The following SGK1 variants were observed in gnomAD, a reference collection of about 807,000 sequenced individuals.
The protein encoded by SGK1 is serum/glucocorticoid regulated kinase 1.
In SGK1, 26 loss-of-function variants were observed where a neutral mutation model predicts 64.2. The observed-to-expected ratio is 0.40, with a 90% CI of 0.30 to 0.56. The LOEUF (loss-of-function observed/expected upper bound fraction) is 0.56, where lower values mean the gene tolerates loss of function less well. Among genes scored for constraint, SGK1 ranks in the 20% least tolerant of loss-of-function variants. SGK1 has a pLI of 0.38. For synonymous variants in SGK1, 265 were observed against 239.7 expected (o/e 1.11, Z -0.98); for missense variants, 519 against 645.6 (o/e 0.80, Z 2.12).
chr6:134,242,806 T>G (rs1422049619), intron 2 of SGK1, among the ~76,000 whole-genome samples: 4 of 152,116 alleles, frequency 2.6e-5, no homozygotes, highest in African/African-American at 9.7e-5. Flanking sequence ...TGTCCTTGAG[T>G]GTGAACTAGA....
At chr6:134,223,703 C>CA (rs1471218468) in intron 2 of SGK1, among the ~76,000 whole-genome samples, 1 of 152,064 alleles carries the variant, frequency 6.6e-6, no homozygotes, top group Non-Finnish European at 1.5e-5. Flanking sequence ...TTTGTTTTAG[C>CA]AAAAAAGTCT....
chr6:134,208,520 C>G (rs1395056706), intron 2 of SGK1, among the ~76,000 whole-genome samples: 1 of 152,014 alleles, frequency 6.6e-6, no homozygotes, highest in African/African-American at 2.4e-5. Flanking sequence ...AGTCTTTTAT[C>G]TCTTGCCCCA....
intron 1 of SGK1, among the ~76,000 whole-genome samples, chr6:134,302,922 T>G (rs1248441040): frequency 6.6e-6 from 1 of 151,980 alleles, no homozygotes; most frequent in East Asian, 1.9e-4. Context: ...GCCTGGCTAA[T>G]TTTTATGTTT....
At chr6:134,310,095 C>G (rs867151398) in intron 1 of SGK1, among the ~76,000 whole-genome samples, 1 of 151,214 alleles carries the variant, frequency 6.6e-6, no homozygotes, top group South Asian at 2.1e-4. Flanking sequence ...CTCCTGCCCC[C>G]TCATTTTGGT....
rs781472175 is a variant in SGK1 at position 134,171,014 on chromosome 6, A to T, written c.1323+9T>A. The T allele has an allele frequency of 1.2e-6, 2 of 1,613,914 alleles. No homozygotes were observed. The highest frequency in any genetic ancestry group is 1.1e-5 in the South Asian group (1 of 90,980). Reference sequence around the variant, plus strand: ...GGCCGGCCCAGGAGGACAGGAAAACATCACTCACGAAGTCATCCTTGGCCC... The same window carrying T: ...GGCCGGCCCAGGAGGACAGGAAAACTTCACTCACGAAGTCATCCTTGGCCC... On this transcript the variant is annotated intron_variant, in intron 12 of 13. Transcript: ENST00000367858.
intron 2 of SGK1, among the ~76,000 whole-genome samples, chr6:134,214,580 A>C (rs1029228246): frequency 1.2e-4 from 1 of 8,540 alleles, no homozygotes; most frequent in African/African-American, 3.6e-4. Context: ...ACGCTGTCTC[A>C]AAAAAAAAAA....
chr6:134,172,427 T>A, intron 9 of SGK1, 111 bp from the exon 10 acceptor site: 2 of 1,090,168 alleles, frequency 1.8e-6, no homozygotes, highest in Non-Finnish European at 2.7e-6. Context: ...TCACTGTAGT[T>A]GTGTAGTGAA....
At chr6:134,297,919 C>T in intron 1 of SGK1, 1 of 804,842 alleles carries the variant, frequency 1.2e-6, no homozygotes, top group Admixed American at 1.7e-5. Flanking sequence ...TTGGTGATCT[C>T]CTCGTACTGC....
At chr6:134,197,807 A>G (rs910903334) in intron 3 of SGK1, among the ~76,000 whole-genome samples, 6 of 151,844 alleles carry the variant, frequency 4.0e-5, no homozygotes, top group African/African-American at 1.5e-4. Flanking sequence ...TGCCTGGGCG[A>G]CAAAGCAAGA....
rs1777712448 is a variant in SGK1, at chr6:134,317,916, A to G, written c.-456T>C. On this transcript the variant is annotated 5_prime_UTR_variant, in exon 1 of 14. Transcript: ENST00000367858. ...AGAGGAGAGTTGTTTTTGATTGTGC[A>G]AGTTCCAGTGGGAGCTGTAGTTAAG... The G allele has an allele frequency of 6.3e-6, 1 of 159,088 alleles. No individual in the cohort carries two copies. Among genetic ancestry groups the G allele is most frequent in the South Asian group, 1.9e-4 (1 of 5,360 alleles). The allele number at this position is 159,088 out of a possible 1,614,324, so 9.9% of individuals were successfully genotyped here.
chr6:134,172,869 A>G (rs1775076957), intron 8 of SGK1, 95 bp from the exon 9 acceptor site: 1 of 1,213,834 alleles, frequency 8.2e-7, no homozygotes, highest in Non-Finnish European at 1.2e-6. Context: ...AGTGGCCCCA[A>G]GTAATCTATT....
intron 3 of SGK1, chr6:134,177,602 C>A (rs1775265884): frequency 2.9e-6 from 4 of 1,365,738 alleles, no homozygotes; most frequent in Non-Finnish European, 4.2e-6. Context: ...GTGCCTTCCC[C>A]ATGCCAAGTA....
At chr6:134,255,293 C>G (rs1378500553) in intron 2 of SGK1, among the ~76,000 whole-genome samples, 1 of 152,190 alleles carries the variant, frequency 6.6e-6, no homozygotes, top group Non-Finnish European at 1.5e-5. Context: ...CCATTTCCAA[C>G]ATTGCAATGG....
intron 3 of SGK1, among the ~76,000 whole-genome samples, chr6:134,190,367 A>C (rs12196153): frequency 0.72 from 107,601 of 150,038 alleles, 39,616 homozygotes; most frequent in African/African-American, 0.89. Context: ...CTCACTGCAA[A>C]CTCCGCCTCC....
intron 1 of SGK1, among the ~76,000 whole-genome samples, chr6:134,289,415 T>C (rs1039547976): frequency 7.2e-5 from 11 of 152,098 alleles, no homozygotes; most frequent in Non-Finnish European, 1.6e-4. Context: ...TCTAGAGGAG[T>C]GCAGTCCAAT....
At chr6:134,216,126 T>C (rs1308506998) in intron 2 of SGK1, among the ~76,000 whole-genome samples, 1 of 152,202 alleles carries the variant, frequency 6.6e-6, no homozygotes, top group Non-Finnish European at 1.5e-5. Context: ...CAGGTTGAAA[T>C]GTTAAAATCA....
At chr6:134,256,753 G>A (rs774008969) in intron 2 of SGK1, among the ~76,000 whole-genome samples, 2 of 152,090 alleles carry the variant, frequency 1.3e-5, no homozygotes, top group Non-Finnish European at 2.9e-5. Flanking sequence ...TCATTCCCAG[G>A]AAGATTTGTT....
At chr6:134,253,297 T>C (rs532039662) in intron 2 of SGK1, among the ~76,000 whole-genome samples, 1 of 151,938 alleles carries the variant, frequency 6.6e-6, no homozygotes, top group African/African-American at 2.4e-5. Context: ...GTTTTTCTTT[T>C]TTTTTTTTTC....
intron 1 of SGK1, among the ~76,000 whole-genome samples, chr6:134,296,110 G>C (rs1480267363): frequency 6.6e-6 from 1 of 152,136 alleles, no homozygotes; most frequent in Non-Finnish European, 1.5e-5. Context: ...GTCATCAGTC[G>C]ACGTGAGTCT....
Sources: gnomAD v4.1 joint callset for allele counts (sites outside exome capture counted in the v4.1 genomes callset) on GRCh38, gnomAD v4.1.1 for gene constraint, MANE v1.5 for transcripts, NCBI Gene and HGNC (gene_info 2026-07-23, HGNC 2026-07-21) for gene names.